Variants in BEST3 observed in about 807,000 individuals in gnomAD.
BEST3 encodes bestrophin-3.
A neutral mutation model predicts 47.1 loss-of-function variants in BEST3; 50 were observed. The ratio of observed to expected loss-of-function variants is 1.06; its 90% confidence interval spans 0.85 to 1.34. BEST3 has a LOEUF of 1.34. Ranked by LOEUF, BEST3 falls within the 40% of genes most tolerant of loss-of-function variation. The pLI is 0.00. For missense variants in BEST3, 765 were observed against 817.0 expected (o/e 0.94, Z 0.78); for synonymous variants, 282 against 298.8 (o/e 0.94, Z 0.58).
chr12:69,658,617 A>G (rs1883662716), intron 9 of BEST3, among the ~76,000 whole-genome samples: 1 of 152,262 alleles, frequency 6.6e-6, no homozygotes, highest in African/African-American at 2.4e-5. Flanking sequence ...ACTTAAAAGG[A>G]GAGAGAAGAC....
intron 9 of BEST3, among the ~76,000 whole-genome samples, chr12:69,644,688 C>A (rs1565815214): frequency 6.6e-6 from 1 of 152,022 alleles, no homozygotes. Flanking sequence ...TTCTGTAATG[C>A]TTTAGTTATG....
intron 9 of BEST3, chr12:69,670,291 T>G (rs1433641327): frequency 1.7e-6 from 1 of 600,828 alleles, no homozygotes; most frequent in Non-Finnish European, 3.0e-6. Context: ...GAGCCCTGGG[T>G]GGGTGGGTCT....
intron 9 of BEST3, among the ~76,000 whole-genome samples, chr12:69,665,502 G>A (rs7302124): frequency 0.12 from 18,438 of 152,006 alleles, 1,515 homozygotes; most frequent in Non-Finnish European, 0.18. Flanking sequence ...CTGAGGCAGG[G>A]GAATTGCTTG....
chr12:69,698,081 C>T (rs75432565), intron 1 of BEST3, among the ~76,000 whole-genome samples: 3,830 of 152,194 alleles, frequency 0.025, 181 homozygotes, highest in African/African-American at 0.088. Flanking sequence ...ATTATATAGC[C>T]ATTGGCCAAT....
At chr12:69,683,361 G>T (rs1355693030) in intron 4 of BEST3, 2 of 152,192 alleles carry the variant, frequency 1.3e-5, no homozygotes, top group Non-Finnish European at 2.9e-5. Flanking sequence ...GTTATTCCTT[G>T]CAGGGTCACA....
At chr12:69,682,559 A>G (rs1230896159) in intron 4 of BEST3, among the ~76,000 whole-genome samples, 2 of 143,160 alleles carry the variant, frequency 1.4e-5, no homozygotes, top group African/African-American at 5.3e-5. Context: ...AAAGAATTGC[A>G]GAGCATGATT....
At chr12:69,674,192 C>T (rs1365303009) in intron 7 of BEST3, among the ~76,000 whole-genome samples, 1 of 152,010 alleles carries the variant, frequency 6.6e-6, no homozygotes, top group Non-Finnish European at 1.5e-5. Flanking sequence ...TTTCTAGAGT[C>T]TAAACATTCT....
intron 4 of BEST3, chr12:69,687,411 T>C (rs1885679994): frequency 6.6e-6 from 1 of 152,300 alleles, no homozygotes; most frequent in Non-Finnish European, 1.5e-5. Flanking sequence ...GGTGGGAAGA[T>C]TGCTTGAGGC....
intron 4 of BEST3, chr12:69,684,401 G>A (rs189137977): frequency 6.6e-5 from 30 of 452,248 alleles, no homozygotes; most frequent in African/African-American, 5.1e-4. Context: ...TCGAGCCAAA[G>A]GATTAATTAC....
chr12:69,673,200 G>C (rs1474180827), intron 7 of BEST3, among the ~76,000 whole-genome samples: 1 of 152,198 alleles, frequency 6.6e-6, no homozygotes, highest in Non-Finnish European at 1.5e-5. Flanking sequence ...CATTCAACTG[G>C]TGACAATGCA....
intron 9 of BEST3, chr12:69,669,647 T>G (rs1593155676): frequency 6.6e-6 from 1 of 152,246 alleles, no homozygotes; most frequent in Non-Finnish European, 1.5e-5. Flanking sequence ...ATAATCATCA[T>G]GCTCTATGAT....
chr12:69,654,929 T>C lies in BEST3; in HGVS notation c.1985A>G (p.Glu662Gly). The change falls in exon 10 of 10, where the codon GAA becomes GGA. Residue 662 changes from glutamate to glycine, a missense_variant. Transcript: ENST00000330891. ...CACTCATTTGGGTGATTCCTCAGTT[T>C]CCTTGTTCAGCTCTATGATATCTGT... ...KETDIIELNKETEESPK is the reference protein window; with the variant it reads ...KETDIIELNKGTEESPK 2 of 1,612,022 alleles carry C rather than the reference T, an allele frequency of 1.2e-6. No individual in the cohort carries two copies. Among genetic ancestry groups the C allele is most frequent in the Non-Finnish European group, 1.7e-6 (2 of 1,178,548 alleles).
At chr12:69,676,610 A>G (rs1283949861) in intron 7 of BEST3, among the ~76,000 whole-genome samples, 1 of 152,180 alleles carries the variant, frequency 6.6e-6, no homozygotes, top group East Asian at 1.9e-4. Context: ...ATACAATATC[A>G]ATGCAAGTAC....
At chr12:69,651,667 C>T (rs753595685), downstream of BEST3, among the ~76,000 whole-genome samples, 6 of 151,088 alleles carry the variant, frequency 4.0e-5, no homozygotes, top group East Asian at 1.9e-4. Flanking sequence ...CCAAGCTACT[C>T]GGGAGACTGA....
In BEST3 at chr12:69,655,553, C is replaced by T. The variant is rs781640383; in HGVS notation, c.1361G>A (p.Cys454Tyr). ...PRASPTWKKS[C>Y]FPEGSPTLHF... is the part of the protein sequence containing the mutation. ...CAGCGTGGGGCTTCCTTCTGGGAAGCAGGATTTCTTCCAGGTGGGTGAGGC... is the reference window on the plus strand; with the variant it reads ...CAGCGTGGGGCTTCCTTCTGGGAAGTAGGATTTCTTCCAGGTGGGTGAGGC... Residue 454 changes from cysteine (C) to tyrosine (Y), a missense_variant, in exon 10 of 10, where the codon TGC becomes TAC. Cys to Tyr is a radical substitution (Grantham distance 194). Transcript: ENST00000330891. The T allele has an allele frequency of 6.2e-7, 1 of 1,614,008 alleles. No individual in the cohort carries two copies. The highest frequency in any genetic ancestry group is 2.2e-5 in the East Asian group (1 of 44,864).
intron 9 of BEST3, chr12:69,670,399 C>A (rs760896433): frequency 1.4e-6 from 1 of 700,156 alleles, no homozygotes; most frequent in South Asian, 1.5e-5. Context: ...AATCTCCTGG[C>A]TCCTAAATCG....
At chr12:69,684,203 G>A (rs11177790) in intron 4 of BEST3, 12,922 of 197,868 alleles carry the variant, frequency 0.065, 563 homozygotes, top group Non-Finnish European at 0.094. Flanking sequence ...TCTTGCTATC[G>A]CTTTTTCTTC....
intron 4 of BEST3, among the ~76,000 whole-genome samples, chr12:69,679,511 G>A (rs1189971370): frequency 1.3e-5 from 2 of 152,150 alleles, no homozygotes; most frequent in African/African-American, 2.4e-5. Flanking sequence ...CCTTTTGAAG[G>A]GCAAAGAGTA....
intron 9 of BEST3, among the ~76,000 whole-genome samples, chr12:69,662,847 G>A (rs1401444819): frequency 4.6e-5 from 7 of 152,326 alleles, no homozygotes; most frequent in African/African-American, 1.7e-4. Flanking sequence ...TGGGATTACA[G>A]TCAGCAGTTT....
Sources: gnomAD v4.1 joint callset for allele counts (sites outside exome capture counted in the v4.1 genomes callset) on GRCh38, gnomAD v4.1.1 for gene constraint, MANE v1.5 for transcripts, NCBI Gene and HGNC (gene_info 2026-07-23, HGNC 2026-07-21) for gene names.